Variants in BIN1 observed in about 807,000 individuals in gnomAD.
The protein encoded by BIN1 is myc box-dependent-interacting protein 1.
Under a neutral mutation model 82.0 loss-of-function variants are expected in BIN1, and 53 were observed. The ratio of observed to expected loss-of-function variants is 0.65; its 90% CI spans 0.52 to 0.81. BIN1 has a LOEUF of 0.81. Ranked by LOEUF, BIN1 falls within the 40% of genes least tolerant of loss-of-function variation. The pLI, the probability that BIN1 is intolerant of heterozygous loss-of-function variation, is 0.00. For synonymous variants in BIN1, 302 were observed against 328.0 expected, an observed-to-expected ratio of 0.92 and a Z score of 0.86; for missense variants, 642 against 784.4, an observed-to-expected ratio of 0.82 and a Z score of 2.17.
rs1183195194 is a variant in BIN1, at chr2:127,057,877, GGAA to G, written c.1003-279_1003-277del. 8.9e-6 allele frequency among the ~76,000 whole-genome samples: 1 copy of G among 112,282 alleles called. No homozygotes were observed. The highest frequency in any genetic ancestry group is 1.8e-5 in the Non-Finnish European group (1 of 56,898). 73.7% of individuals were successfully genotyped at this position (112,282 alleles called of 152,430 possible). On this transcript the variant is annotated intron_variant, in intron 11 of 18. Transcript: ENST00000316724. The surrounding 1 kb of genome is among the most constrained non-coding windows in gnomAD (Gnocchi z 5.0). ...GAGATAGAGAAGTGAGGGGAGAGGA[GGAA>G]GGAGAGCGAAGAAGAGAAGAGGCCC... is the stretch of plus-strand genomic sequence containing the variant.
chr2:127,096,741 T>C (rs111954920), intron 1 of BIN1, among the ~76,000 whole-genome samples: 2,000 of 152,262 alleles, frequency 0.013, 19 homozygotes, highest in Middle Eastern at 0.024. Flanking sequence ...GCCAAATGGA[T>C]AGGAGGCCAA....
chr2:127,052,691 G>A, intron 14 of BIN1: 1 of 385,266 alleles, frequency 2.6e-6, no homozygotes, highest in Non-Finnish European at 4.8e-6. Context: ...AGAGCTCCCA[G>A]GAGCCTGGGC....
intron 8 of BIN1, 46 bp downstream of exon 8, chr2:127,063,887 G>C: frequency 6.2e-7 from 1 of 1,610,428 alleles, no homozygotes; most frequent in Non-Finnish European, 8.5e-7. Flanking sequence ...GCAGCACGCA[G>C]ACTGGACACT....
At chr2:127,075,936 C>T (rs1686547879) in intron 2 of BIN1, among the ~76,000 whole-genome samples, 1 of 150,096 alleles carries the variant, frequency 6.7e-6, no homozygotes. Context: ...GCTCCCAGCC[C>T]TCCCAGTTGC....
intron 12 of BIN1, 104 bp from the exon 13 acceptor site, chr2:127,054,116 CACAT>C (rs1683332188): frequency 1.1e-6 from 1 of 876,320 alleles, no homozygotes; most frequent in East Asian, 2.7e-5. Flanking sequence ...TGGACACACA[CACAT>C]ACACACACCA....
intron 15 of BIN1, among the ~76,000 whole-genome samples, chr2:127,051,755 TGGGCACCGCAGCAC>T (rs561487918): frequency 2.7e-4 from 41 of 152,128 alleles, no homozygotes; most frequent in African/African-American, 6.3e-4. Flanking sequence ...TGGCACAGAA[TGGGCACCGCAGCAC>T]GGGCACCGCA....
intron 2 of BIN1, among the ~76,000 whole-genome samples, chr2:127,075,828 T>C (rs1573682819): frequency 1.8e-5 from 1 of 54,842 alleles, no homozygotes; most frequent in African/African-American, 7.3e-5. Context: ...CCCAGAATGC[T>C]CCCCGGCCCT....
rs11690153 is a variant in BIN1, at chr2:127,081,958, T to C, written c.85-5252A>G. The stretch of plus-strand genomic sequence containing the variant: ...CACGGAGGCAGGATGCACACCCTCG[T>C]GCCCCGGCGTTCTCACACCGAGGCT... On this transcript the variant is annotated intron_variant, in intron 1 of 18. Transcript: ENST00000316724. 0.17 allele frequency: 204,786 copies of C among 1,175,692 alleles called. 19,310 individuals are homozygous for C. The highest frequency in any genetic ancestry group is 0.19 in the Non-Finnish European group (175,838 of 913,210). The allele number at this position is 1,175,692 out of a possible 1,614,324, so 72.8% of individuals were successfully genotyped here.
chr2:127,079,707 T>C (rs1442318517), intron 1 of BIN1, among the ~76,000 whole-genome samples: 1 of 152,258 alleles, frequency 6.6e-6, no homozygotes, highest in African/African-American at 2.4e-5. Context: ...TCAGGGACAC[T>C]GTTCCAGTCA....
intron 1 of BIN1, 72 bp from the exon 2 acceptor site, chr2:127,076,778 C>T: frequency 6.5e-7 from 1 of 1,536,636 alleles, no homozygotes; most frequent in South Asian, 1.1e-5. Flanking sequence ...AGTGCTCAGT[C>T]ACCAACAGCA....
intron 2 of BIN1, among the ~76,000 whole-genome samples, chr2:127,071,712 A>G (rs2105087594): frequency 6.6e-6 from 1 of 152,278 alleles, no homozygotes; most frequent in Middle Eastern, 3.4e-3. Flanking sequence ...GCCACGTGCA[A>G]AGAGTGGGCT....
intron 12 of BIN1, 59 bp from the exon 13 acceptor site, chr2:127,054,071 A>G: frequency 1.4e-6 from 2 of 1,450,440 alleles, no homozygotes; most frequent in Non-Finnish European, 1.9e-6. Context: ...GGGAGCCCTC[A>G]CCCCAGGCAG....
At chr2:127,063,147 C>T (rs1412303221) in intron 9 of BIN1, among the ~76,000 whole-genome samples, 2 of 152,238 alleles carry the variant, frequency 1.3e-5, no homozygotes, top group African/African-American at 4.8e-5. Context: ...TGGATTCACG[C>T]AGACGAAACA....
chr2:127,095,913 C>A (rs1171536775), intron 1 of BIN1, among the ~76,000 whole-genome samples: 1 of 152,230 alleles, frequency 6.6e-6, no homozygotes, highest in Non-Finnish European at 1.5e-5. Context: ...TCAGCTGCTG[C>A]CATTCTCACT....
chr2:127,101,982 G>T (rs987361350), intron 1 of BIN1, among the ~76,000 whole-genome samples: 8 of 152,160 alleles, frequency 5.3e-5, no homozygotes, highest in African/African-American at 1.9e-4. Context: ...TCAAGGTGCC[G>T]CTCTGCCACA....
chr2:127,073,005 C>G (rs1016535832), intron 2 of BIN1, among the ~76,000 whole-genome samples: 1 of 152,260 alleles, frequency 6.6e-6, no homozygotes, highest in Non-Finnish European at 1.5e-5. Context: ...CCCAGCCACA[C>G]CTCTCACGCC....
Position 127,057,462 on chromosome 2 carries a change from C to T in BIN1, c.1131+11G>A. 1 of 1,543,208 alleles carries T rather than the reference C, an allele frequency of 6.5e-7. No individual in the cohort carries two copies. Among genetic ancestry groups the T allele is most frequent in the Non-Finnish European group, 8.8e-7 (1 of 1,142,462 alleles). ...AGAGAGGAGAGCTGGGCCGCGGCGG[C>T]CGCGGCTGACCTGGGAGGGGGTGGT... is the stretch of plus-strand genomic sequence containing the variant. On this transcript the variant is annotated intron_variant, in intron 12 of 18. Transcript: ENST00000316724. The surrounding 1 kb of genome is among the most constrained non-coding windows in gnomAD (Gnocchi z 5.0).
chr2:127,104,781 G>C (rs563660830), intron 1 of BIN1, among the ~76,000 whole-genome samples: 1 of 152,220 alleles, frequency 6.6e-6, no homozygotes, highest in Non-Finnish European at 1.5e-5. Flanking sequence ...GCTGTGGGTT[G>C]AGGCATGGGG....
chr2:127,100,307 G>C (rs982412489), intron 1 of BIN1, among the ~76,000 whole-genome samples: 5 of 151,142 alleles, frequency 3.3e-5, no homozygotes, highest in African/African-American at 1.2e-4. Context: ...GTGGAGCTGG[G>C]GGTCCGACAG....
Sources: allele counts gnomAD v4.1 joint callset (sites outside exome capture counted in the v4.1 genomes callset), GRCh38; gene constraint gnomAD v4.1.1; non-coding constraint Gnocchi (gnomAD v3.1); transcripts MANE v1.5; gene names NCBI Gene and HGNC (gene_info 2026-07-23, HGNC 2026-07-21).